SGCZ: variants seen among roughly 807,000 people sequenced by gnomAD.
The protein encoded by SGCZ is sarcoglycan zeta.
In SGCZ, 40 loss-of-function variants were observed where a neutral mutation model predicts 41.3. The ratio of observed to expected loss-of-function variants is 0.97; its 90% CI spans 0.75 to 1.26. The LOEUF is 1.26. SGCZ is among the 50% of genes most tolerant of loss of function. The probability of loss-of-function intolerance (pLI) is 0.00; values close to 1 mark genes in which losing one functional copy is unlikely to be tolerated. For missense variants in SGCZ, 552 were observed against 369.8 expected (o/e 1.49, Z -4.04); for synonymous variants, 206 against 137.5 (o/e 1.50, Z -3.49).
intron 2 of SGCZ, 39 bp downstream of exon 2, chr8:14,554,693 A>T: frequency 6.4e-7 from 1 of 1,551,072 alleles, no homozygotes; most frequent in Non-Finnish European, 8.8e-7. Context: ...TTGTCTCTGA[A>T]CCAAGAGCAA....
At chr8:14,899,576 G>C (rs1798890620) in intron 1 of SGCZ, among the ~76,000 whole-genome samples, 1 of 152,140 alleles carries the variant, frequency 6.6e-6, no homozygotes, top group South Asian at 2.1e-4. Flanking sequence ...ACTTCCCACT[G>C]CACAGGCAAA....
intron 1 of SGCZ, among the ~76,000 whole-genome samples, chr8:14,659,875 G>T (rs189083488): frequency 1.3e-5 from 2 of 152,240 alleles, no homozygotes; most frequent in East Asian, 3.9e-4. Context: ...ACCTATTACA[G>T]GTCACACTTT....
At chr8:14,374,657 C>G (rs1408099594) in intron 2 of SGCZ, among the ~76,000 whole-genome samples, 1 of 152,152 alleles carries the variant, frequency 6.6e-6, no homozygotes, top group East Asian at 1.9e-4. Context: ...AGACCACATA[C>G]TGCCATGTTT....
At chr8:14,496,692 T>A (rs1254998969) in intron 2 of SGCZ, among the ~76,000 whole-genome samples, 1 of 152,164 alleles carries the variant, frequency 6.6e-6, no homozygotes, top group East Asian at 1.9e-4. Context: ...TTCTCTCTGG[T>A]TTTACTTATT....
At chr8:14,156,488 CA>C (rs1244728023) in intron 5 of SGCZ, among the ~76,000 whole-genome samples, 3 of 151,834 alleles carry the variant, frequency 2.0e-5, no homozygotes, top group Admixed American at 6.6e-5. Context: ...AAAACAAAAA[CA>C]AAAAAGTTCT....
At chr8:14,916,103 T>C (rs1490691643) in intron 1 of SGCZ, among the ~76,000 whole-genome samples, 1 of 152,210 alleles carries the variant, frequency 6.6e-6, no homozygotes, top group Non-Finnish European at 1.5e-5. Flanking sequence ...GTACCACCTA[T>C]ATAAGAATTG....
intron 1 of SGCZ, among the ~76,000 whole-genome samples, chr8:14,846,479 A>G (rs1803106442): frequency 6.6e-6 from 1 of 152,074 alleles, no homozygotes; most frequent in African/African-American, 2.4e-5. Flanking sequence ...TTAATATTAG[A>G]AATGAGAAAA....
chr8:14,952,013 T>C (rs1211968181), intron 1 of SGCZ, among the ~76,000 whole-genome samples: 1 of 152,160 alleles, frequency 6.6e-6, no homozygotes, highest in Non-Finnish European at 1.5e-5. Context: ...AATTCAATTT[T>C]ATTTGATACT....
intron 1 of SGCZ, among the ~76,000 whole-genome samples, chr8:14,767,033 C>A (rs1281559820): frequency 6.6e-6 from 1 of 151,542 alleles, no homozygotes. Flanking sequence ...AGTTAGATGT[C>A]TACACAATTA....
intron 2 of SGCZ, among the ~76,000 whole-genome samples, chr8:14,533,408 A>G (rs1426630461): frequency 6.6e-6 from 1 of 152,054 alleles, no homozygotes; most frequent in Non-Finnish European, 1.5e-5. Context: ...TAATTTTTGA[A>G]GAGTTTATTG....
rs10096517 is a variant in SGCZ, at chr8:14,089,146, T to C, written c.*1297A>G. ...TGGAGTTGTTTACTAAGAGGTCATA[T>C]ACAAAAATAAGCATTGGAAAATGAA... On this transcript the variant is annotated 3_prime_UTR_variant, in exon 8 of 8. Coordinates refer to ENST00000382080, the MANE Select transcript of SGCZ (RefSeq NM_139167.4). Among the ~76,000 whole-genome samples the C allele has an allele frequency of 1.1e-3, 170 of 152,082 alleles. 1 individual carries two copies. Among genetic ancestry groups the C allele is most frequent in the African/African-American group, 3.7e-3 (153 of 41,548 alleles).
At chr8:15,022,038 T>TA (rs1803270829) in intron 1 of SGCZ, among the ~76,000 whole-genome samples, 1 of 152,226 alleles carries the variant, frequency 6.6e-6, no homozygotes, top group Non-Finnish European at 1.5e-5. Flanking sequence ...AATAATGCTA[T>TA]AAACTGGTCC....
chr8:14,437,755 C>A (rs1800134779), intron 2 of SGCZ, among the ~76,000 whole-genome samples: 1 of 150,952 alleles, frequency 6.6e-6, no homozygotes, highest in South Asian at 2.1e-4. Flanking sequence ...TTTATTGTTG[C>A]CTGACTAAAA....
chr8:14,350,257 T>TTA (rs1803041011), intron 2 of SGCZ, among the ~76,000 whole-genome samples: 1 of 151,512 alleles, frequency 6.6e-6, no homozygotes, highest in Admixed American at 6.6e-5. Context: ...TTTTTTTTTT[T>TTA]ACCTAAGTAT....
intron 1 of SGCZ, among the ~76,000 whole-genome samples, chr8:14,940,968 T>C (rs1800255740): frequency 6.6e-6 from 1 of 151,842 alleles, no homozygotes; most frequent in Non-Finnish European, 1.5e-5. Context: ...TAATATCTGT[T>C]GTATGCAAAA....
chr8:14,468,522 G>C (rs927921858), intron 2 of SGCZ, among the ~76,000 whole-genome samples: 2 of 151,952 alleles, frequency 1.3e-5, no homozygotes, highest in Non-Finnish European at 2.9e-5. Flanking sequence ...TAGTTTATTA[G>C]ATCTTGAGAG....
intron 1 of SGCZ, among the ~76,000 whole-genome samples, chr8:15,066,811 A>T (rs1036502236): frequency 6.6e-6 from 1 of 152,190 alleles, no homozygotes; most frequent in South Asian, 2.1e-4. Context: ...AGAAAAGTTG[A>T]CACTAAGCCC....
At chr8:15,006,342 T>A (rs951953243) in intron 1 of SGCZ, among the ~76,000 whole-genome samples, 7 of 152,164 alleles carry the variant, frequency 4.6e-5, no homozygotes, top group Non-Finnish European at 8.8e-5. Flanking sequence ...CACTCAAAAA[T>A]CCCTTGGTAC....
rs948717823 is a variant in SGCZ at position 14,785,530 on chromosome 8, T to G, written c.40-230604A>C. 2.0e-5 allele frequency among the ~76,000 whole-genome samples: 3 copies of G among 152,280 alleles called. No homozygotes were observed. In the South Asian group the frequency reaches 6.2e-4, roughly 32 times the overall value. On this transcript the variant is annotated intron_variant, in intron 1 of 7. Transcript: ENST00000382080. ...TAGTCAATATAGTTGCTCTTGAAAC[T>G]TCCCTAATGCTTCAGTGAGTTTGTC...
Sources: allele counts gnomAD v4.1 joint callset (sites outside exome capture counted in the v4.1 genomes callset), GRCh38; gene constraint gnomAD v4.1.1; transcripts MANE v1.5; gene names NCBI Gene and HGNC (gene_info 2026-07-23, HGNC 2026-07-21).